KCNH5: variants seen among roughly 807,000 people sequenced by gnomAD.
The protein encoded by KCNH5 is potassium voltage-gated channel subfamily H member 5.
Under a neutral mutation model 96.1 loss-of-function variants are expected in KCNH5, and 46 were observed. That is an observed-to-expected ratio of 0.48 (90% CI 0.38 to 0.61). The LOEUF (loss-of-function observed/expected upper bound fraction) is 0.61, where lower values mean the gene tolerates loss of function less well. Ranked by LOEUF, KCNH5 falls within the 20% of genes least tolerant of loss-of-function variation. KCNH5 has a pLI of 0.00. For missense variants in KCNH5, 907 were observed against 1,225.8 expected (o/e 0.74, Z 3.88); for synonymous variants, 439 against 449.8 (o/e 0.98, Z 0.30).
chr14:62,857,054 T>A (rs1204947728), intron 7 of KCNH5, among the ~76,000 whole-genome samples: 2 of 152,092 alleles, frequency 1.3e-5, no homozygotes, highest in Admixed American at 1.3e-4. Context: ...TAGTATAATA[T>A]TGGATAGATG....
chr14:62,761,069 G>A (rs557447807), intron 10 of KCNH5, among the ~76,000 whole-genome samples: 1 of 151,922 alleles, frequency 6.6e-6, no homozygotes. Context: ...AAAAGATTAC[G>A]GTCGGCCAGG....
chr14:63,019,923 T>C (rs1316983233), intron 1 of KCNH5, among the ~76,000 whole-genome samples: 1 of 152,086 alleles, frequency 6.6e-6, no homozygotes, highest in Admixed American at 6.6e-5. Context: ...ATACTTTTGA[T>C]ACAGGTATCT....
chr14:62,835,843 T>C (rs1444570973), intron 8 of KCNH5, among the ~76,000 whole-genome samples: 1 of 152,176 alleles, frequency 6.6e-6, no homozygotes, highest in Non-Finnish European at 1.5e-5. Flanking sequence ...TTACTTTTGC[T>C]ACGTTTCAAT....
chr14:62,761,736 C>T lies in KCNH5; in HGVS notation c.2019+17992G>A, dbSNP rs1032324573. 6.6e-5 allele frequency among the ~76,000 whole-genome samples: 10 copies of T among 151,410 alleles called. No individual in the cohort carries two copies. The East Asian group carries it at 1.2e-3, about 18-fold the overall frequency. Reference sequence around the variant, plus strand: ...TTATTCTAGAAGACAGAAGAAAAAACGAGCCATAAAATGTGGTATAGGAAG... The same window carrying T: ...TTATTCTAGAAGACAGAAGAAAAAATGAGCCATAAAATGTGGTATAGGAAG... On this transcript the variant is annotated intron_variant, in intron 10 of 10. Coordinates refer to ENST00000322893, the MANE Select transcript of KCNH5 (RefSeq NM_139318.5).
chr14:62,942,256 G>T (rs1436084202), intron 7 of KCNH5, among the ~76,000 whole-genome samples: 1 of 152,066 alleles, frequency 6.6e-6, no homozygotes, highest in Non-Finnish European at 1.5e-5. Flanking sequence ...TCCTGAAAGG[G>T]ACCTTAAAAG....
intron 10 of KCNH5, among the ~76,000 whole-genome samples, chr14:62,772,242 T>C (rs1886002697): frequency 6.6e-6 from 1 of 152,202 alleles, no homozygotes; most frequent in Non-Finnish European, 1.5e-5. Context: ...ATTTTTAGTA[T>C]ACATAATTTA....
At chr14:62,816,203 T>C (rs1450129438) in intron 8 of KCNH5, among the ~76,000 whole-genome samples, 2 of 151,904 alleles carry the variant, frequency 1.3e-5, no homozygotes, top group East Asian at 1.9e-4. Flanking sequence ...AAACAAAATA[T>C]AGTTCAGCAA....
Position 62,751,431 on chromosome 14 carries a change from T to A in KCNH5, c.2019+28297A>T, listed in dbSNP as rs764325463. ...GCTCCTCTAGAGATATGCCTAGTTG[T>A]CCAATGGGAGCTGTGGTGGAAGATC... On this transcript the variant is annotated intron_variant, in intron 10 of 10. Coordinates refer to ENST00000322893, the MANE Select transcript of KCNH5 (RefSeq NM_139318.5). Among the ~76,000 whole-genome samples, 23 of 152,296 alleles carry A rather than the reference T, an allele frequency of 1.5e-4. No homozygotes were observed. The East Asian group carries it at 2.9e-3, about 19-fold the overall frequency.
chr14:63,024,665 A>G (rs935661150), intron 1 of KCNH5, among the ~76,000 whole-genome samples: 1 of 152,134 alleles, frequency 6.6e-6, no homozygotes, highest in African/African-American at 2.4e-5. Flanking sequence ...CAAACTGTCT[A>G]ATCTTGAAGA....
At chr14:62,870,768 T>C (rs1888237742) in intron 7 of KCNH5, among the ~76,000 whole-genome samples, 1 of 152,172 alleles carries the variant, frequency 6.6e-6, no homozygotes, top group South Asian at 2.1e-4. Flanking sequence ...ATAACTTTTA[T>C]AAACTCACTT....
rs117648898 is a variant in KCNH5, at chr14:62,951,191, C to T, written c.943-632G>A. On this transcript the variant is annotated intron_variant, in intron 6 of 10. Transcript: ENST00000322893. ...GAACCTGAAATGGGTGTGTGGCCTA[C>T]TATCCTATCCATTCTCTAGCAAAAG... Among the ~76,000 whole-genome samples the T allele has an allele frequency of 1.5e-3, 222 of 152,034 alleles. 4 individuals carry two copies. The East Asian group carries it at 0.041, about 28-fold the overall frequency.
Position 62,700,187 on chromosome 14 carries a change from A to G in KCNH5, c.*7321T>C, listed in dbSNP as rs1297276483. ...TAAAAAGAACTCTATAATTTTCAAT[A>G]TATCGTGAATCTGCACATTTTGTGT... On this transcript the variant is annotated 3_prime_UTR_variant, in exon 11 of 11. Coordinates refer to ENST00000322893, the MANE Select transcript of KCNH5 (RefSeq NM_139318.5). 2 of 152,246 alleles carry G rather than the reference A, an allele frequency of 1.3e-5. No individual in the cohort carries two copies. The highest frequency in any genetic ancestry group is 4.8e-5 in the African/African-American group (2 of 41,476). 9.4% of individuals were successfully genotyped at this position (152,246 alleles called of 1,614,324 possible).
At chr14:62,961,501 G>T (rs1057099775) in intron 6 of KCNH5, among the ~76,000 whole-genome samples, 18 of 152,088 alleles carry the variant, frequency 1.2e-4, no homozygotes, top group African/African-American at 4.3e-4. Context: ...TAAATAATTA[G>T]TCCAAGAAAT....
At chr14:62,863,069 A>C (rs768388939) in intron 7 of KCNH5, among the ~76,000 whole-genome samples, 3 of 152,130 alleles carry the variant, frequency 2.0e-5, no homozygotes, top group Non-Finnish European at 2.9e-5. Flanking sequence ...TTTTCTTTCT[A>C]TTCTTCTACA....
intron 7 of KCNH5, among the ~76,000 whole-genome samples, chr14:62,947,850 A>G (rs977207799): frequency 4.6e-5 from 7 of 151,854 alleles, no homozygotes; most frequent in Non-Finnish European, 7.4e-5. Flanking sequence ...ATTATACTTT[A>G]AGTTTTAGGG....
At chr14:62,948,048 A>G (rs939005699) in intron 7 of KCNH5, among the ~76,000 whole-genome samples, 1 of 151,740 alleles carries the variant, frequency 6.6e-6, no homozygotes, top group Non-Finnish European at 1.5e-5. Context: ...TCATTGTTCA[A>G]TTCCCACCTA....
At chr14:62,882,777 GGACACA>G (rs554101728) in intron 7 of KCNH5, among the ~76,000 whole-genome samples, 27 of 152,210 alleles carry the variant, frequency 1.8e-4, no homozygotes, top group African/African-American at 6.3e-4. Flanking sequence ...CTTCAGAATT[GGACACA>G]GATGCAAATT....
chr14:62,926,240 C>T (rs1889473751), intron 7 of KCNH5, among the ~76,000 whole-genome samples: 1 of 152,038 alleles, frequency 6.6e-6, no homozygotes, highest in South Asian at 2.1e-4. Flanking sequence ...AGAAGTATAC[C>T]TTCGTAGTTG....
chr14:63,033,012 T>A (rs1891657426), intron 1 of KCNH5, among the ~76,000 whole-genome samples: 1 of 152,034 alleles, frequency 6.6e-6, no homozygotes, highest in African/African-American at 2.4e-5. Context: ...CATTACTAGA[T>A]CCTAATAATG....
Sources: allele counts gnomAD v4.1 joint callset (sites outside exome capture counted in the v4.1 genomes callset), GRCh38; gene constraint gnomAD v4.1.1; transcripts MANE v1.5; gene names NCBI Gene and HGNC (gene_info 2026-07-23, HGNC 2026-07-21).